Variants in DONSON observed in about 807,000 individuals in gnomAD.
The protein encoded by DONSON is DNA replication fork stabilization factor DONSON.
In DONSON, 43 loss-of-function variants were observed where a neutral mutation model predicts 62.1. The observed-to-expected ratio is 0.69, with a 90% confidence interval of 0.54 to 0.89. The LOEUF is 0.89. Among genes scored for constraint, DONSON ranks in the 40% least tolerant of loss-of-function variants. The pLI is 0.00. For missense variants in DONSON, 696 were observed against 697.5 expected, an observed-to-expected ratio of 1.00 and a Z score of 0.03; for synonymous variants, 266 against 264.6, an observed-to-expected ratio of 1.01 and a Z score of -0.05.
chr21:33,587,461 A>T, intron 2 of DONSON, 61 bp downstream of exon 2: 1 of 1,501,322 alleles, frequency 6.7e-7, no homozygotes, highest in Non-Finnish European at 8.9e-7. Context: ...AAATAGGCTC[A>T]AATCCTATGA....
chr21:33,587,801 C>A (rs2086595663), intron 1 of DONSON, among the ~76,000 whole-genome samples, 199 bp from the exon 2 acceptor site: 1 of 152,182 alleles, frequency 6.6e-6, no homozygotes, highest in Non-Finnish European at 1.5e-5. Context: ...GGAACAGGGA[C>A]CGGCGTTTCA....
chr21:33,581,942 A>G lies in DONSON; in HGVS notation c.1151+9T>C. The G allele has an allele frequency of 6.2e-7, 1 of 1,612,062 alleles. No individual in the cohort carries two copies. Among genetic ancestry groups the G allele is most frequent in the Non-Finnish European group, 8.5e-7 (1 of 1,178,242 alleles). Reference sequence around the variant, plus strand: ...AATTAATTCTAGTTAACAACAACTGAAAGGATACAGCTTGATAGAAAGTAT... The same window carrying G: ...AATTAATTCTAGTTAACAACAACTGGAAGGATACAGCTTGATAGAAAGTAT... On this transcript the variant is annotated intron_variant, in intron 7 of 9. Coordinates refer to ENST00000303071, the MANE Select transcript of DONSON (RefSeq NM_017613.4).
In DONSON at chr21:33,588,355, C is replaced by T; in HGVS notation, c.287G>A (p.Gly96Glu). ...RPRVAAEPPD[G>E]PAREQPEAPV... is the part of the protein sequence containing the mutation. ...GGCCTCCGGCTGCTCGCGGGCCGGC[C>T]CGTCGGGGGGCTCCGCGGCGACCCG... is the stretch of plus-strand genomic sequence containing the variant. The change falls in exon 1 of 10, where the codon GGG becomes GAG. Residue 96 changes from glycine (G) to glutamate (E), a missense_variant. Transcript: ENST00000303071. 7.7e-7 allele frequency: 1 copy of T among 1,293,076 alleles called. No homozygotes were observed. Among genetic ancestry groups the T allele is most frequent in the Non-Finnish European group, 9.8e-7 (1 of 1,024,788 alleles). The allele number at this position is 1,293,076 out of a possible 1,614,324, so 80.1% of individuals were successfully genotyped here.
intron 9 of DONSON, among the ~76,000 whole-genome samples, chr21:33,579,136 C>CA (rs879477732): frequency 2.7e-3 from 353 of 132,376 alleles, no homozygotes; most frequent in East Asian, 7.3e-3. Context: ...GACTCCATCT[C>CA]AAAAAAAAAA....
At chr21:33,578,839 A>G (rs1194803450) in intron 9 of DONSON, among the ~76,000 whole-genome samples, 1 of 152,232 alleles carries the variant, frequency 6.6e-6, no homozygotes, top group African/African-American at 2.4e-5. Context: ...GTCACTGTTA[A>G]AACTATTTGG....
Position 33,588,345 on chromosome 21 carries a change from GC to G in DONSON, c.296del (p.Arg99ProfsTer11). 7.7e-7 allele frequency: 1 copy of G among 1,294,202 alleles called. No individual in the cohort carries two copies. Among genetic ancestry groups the G allele is most frequent in the Non-Finnish European group, 9.8e-7 (1 of 1,025,424 alleles). The allele number at this position is 1,294,202 out of a possible 1,614,324, so 80.2% of individuals were successfully genotyped here. Reference sequence around the variant, plus strand: ...CCGGGACCGGGGCCTCCGGCTGCTCGCGGGCCGGCCCGTCGGGGGGCTCCGC... The same window carrying G: ...CCGGGACCGGGGCCTCCGGCTGCTCGGGGCCGGCCCGTCGGGGGGCTCCGC... ...VAAEPPDGPA[R>X]EQPEAPVPFL... On this transcript the variant is annotated frameshift_variant, in exon 1 of 10. Transcript: ENST00000303071. LOFTEE classifies it high-confidence loss of function.
At chr21:33,583,010 G>A (rs2086531226) in intron 5 of DONSON, among the ~76,000 whole-genome samples, 1 of 151,742 alleles carries the variant, frequency 6.6e-6, no homozygotes, top group Admixed American at 6.6e-5. Context: ...GATCGTCCTG[G>A]CTAACACGGT....
intron 2 of DONSON, among the ~76,000 whole-genome samples, chr21:33,587,108 T>C (rs761121225): frequency 5.3e-5 from 8 of 152,072 alleles, no homozygotes; most frequent in Non-Finnish European, 8.8e-5. Flanking sequence ...ATGGTAGTAG[T>C]TGGGGAATGG....
In DONSON at chr21:33,579,414, A is replaced by T; in HGVS notation, c.1499T>A (p.Leu500Gln). Residue 500 changes from leucine to glutamine, a missense_variant, in exon 9 of 10, where the codon CTG (leucine) becomes CAG (glutamine). By Grantham distance (113) the Leu-to-Gln change is moderately radical (BLOSUM62 -2). Transcript: ENST00000303071. ...SSQSGSFSAV[L>Q]YPHEPTAVFN... ...TACAGCAGTTGGCTCGTGTGGATACAGTACTGCAGAGAAAGATCCACTCTG... is the reference window on the plus strand; with the variant it reads ...TACAGCAGTTGGCTCGTGTGGATACTGTACTGCAGAGAAAGATCCACTCTG... The T allele has an allele frequency of 6.2e-6, 10 of 1,613,890 alleles. No homozygotes were observed. Among genetic ancestry groups the T allele is most frequent in the Non-Finnish European group, 8.5e-6 (10 of 1,179,860 alleles).
At position 33,582,199 on chromosome 21, in the gene DONSON, CCTT is replaced by C. The variant is rs755688201; in HGVS notation, c.1009_1011del (p.Lys337del). The stretch of plus-strand genomic sequence containing the variant: ...CCCAAGCTTGTTCCAGATGCTGTCT[CCTT>C]CTTATGGCCACTTTCTTTTATTAAA... On this transcript the variant is annotated inframe_deletion, in exon 6 of 10. Coordinates refer to ENST00000303071, the MANE Select transcript of DONSON (RefSeq NM_017613.4). 7.4e-6 allele frequency: 12 copies of C among 1,613,910 alleles called. No individual in the cohort carries two copies. The South Asian group carries it at 8.8e-5, about 12-fold the overall frequency.
chr21:33,586,326 T>TA (rs2086577373), intron 2 of DONSON, 145 bp from the exon 3 acceptor site: 2 of 723,344 alleles, frequency 2.8e-6, no homozygotes, highest in Non-Finnish European at 2.3e-6. Flanking sequence ...TTACACACTG[T>TA]AAAAAAGTCT....
chr21:33,583,750 G>T, intron 4 of DONSON, 84 bp from the exon 5 acceptor site: 2 of 1,075,874 alleles, frequency 1.9e-6, no homozygotes, highest in Non-Finnish European at 2.6e-6. Flanking sequence ...TTTGATACCT[G>T]GTTTAAAACA....
Position 33,578,381 on chromosome 21 carries a change from G to A in DONSON, c.1627C>T (p.Gln543Ter), listed in dbSNP as rs2086460139. Reference protein sequence around the residue: ...LHPNTLEQLSQIPLLGKSSLR... With the variant: ...LHPNTLEQLS ...GATGATTTCCCAAGTAACGGTATTTGACTAAGTTGCTCCAGAGTGTTAGGG... is the reference window on the plus strand; with the variant it reads ...GATGATTTCCCAAGTAACGGTATTTAACTAAGTTGCTCCAGAGTGTTAGGG... The change falls in exon 10 of 10, where the codon CAA becomes TAA. Residue 543 changes from glutamine (Q) to a stop codon, truncating the protein, a stop_gained. Transcript: ENST00000303071. LOFTEE classifies it high-confidence loss of function. The A allele has an allele frequency of 1.2e-6, 2 of 1,613,870 alleles. No homozygotes were observed. The highest frequency in any genetic ancestry group is 1.3e-5 in the African/African-American group (1 of 74,902).
intron 8 of DONSON, 117 bp from the exon 9 acceptor site, chr21:33,579,679 TA>T (rs2086483461): frequency 1.3e-6 from 1 of 765,116 alleles, no homozygotes; most frequent in Non-Finnish European, 2.1e-6. Flanking sequence ...AATTATGGAA[TA>T]AAACTATTTC....
intron 8 of DONSON, 69 bp downstream of exon 8, chr21:33,581,233 T>C: frequency 7.0e-7 from 1 of 1,422,600 alleles, no homozygotes; most frequent in Non-Finnish European, 9.5e-7. Context: ...AGGTTTTTTT[T>C]TAAATCAAGA....
chr21:33,579,113 C>G (rs527364498), intron 9 of DONSON, among the ~76,000 whole-genome samples: 4 of 150,470 alleles, frequency 2.7e-5, no homozygotes, highest in African/African-American at 9.8e-5. Context: ...CACTCCAGCC[C>G]GGGCAACAGC....
rs199989677 is a variant in DONSON at position 33,582,212 on chromosome 21, A to T, written c.999T>A (p.Ser333Arg). The T allele has an allele frequency of 1.2e-6, 2 of 1,614,000 alleles. No homozygotes were observed. The highest frequency in any genetic ancestry group is 2.7e-5 in the African/African-American group (2 of 75,050). The part of the protein sequence containing the change: ...IEFSLPLIKE[S>R]GHKKETASGT... ...CAGATGCTGTCTCCTTCTTATGGCC[A>T]CTTTCTTTTATTAAAGGCAGAGAAA... Residue 333 changes from serine (S) to arginine (R), a missense_variant, in exon 6 of 10, where the codon AGT becomes AGA. Physicochemically the swap from Ser to Arg is moderately radical, Grantham distance 110 (BLOSUM62 -1). Transcript: ENST00000303071.
In DONSON at chr21:33,581,967, T is replaced by G; in HGVS notation, c.1135A>C (p.Ile379Leu). 1 of 1,614,116 alleles carries G rather than the reference T, an allele frequency of 6.2e-7. No individual in the cohort carries two copies. The highest frequency in any genetic ancestry group is 1.1e-5 in the South Asian group (1 of 91,082). The stretch of plus-strand genomic sequence containing the variant: ...AAAGGATACAGCTTGATAGAAAGTA[T>G]GTCTGGCTTTTTAATTTTATCTTGC... ...GVQDKIKKPD[I>L]LSIKLRKEKH... The change falls in exon 7 of 10, where the codon ATA (isoleucine) becomes CTA (leucine). Residue 379 changes from isoleucine to leucine, a missense_variant. Physicochemically the swap from Ile to Leu is conservative, Grantham distance 5 (BLOSUM62 2). Transcript: ENST00000303071.
intron 2 of DONSON, 46 bp from the exon 3 acceptor site, chr21:33,586,227 A>T (rs1455387173): frequency 1.3e-6 from 2 of 1,498,010 alleles, no homozygotes; most frequent in Non-Finnish European, 1.9e-6. Context: ...ATCAAGAAAA[A>T]ACCTTCAACC....
Sources: gnomAD v4.1 joint callset for allele counts (sites outside exome capture counted in the v4.1 genomes callset) on GRCh38, gnomAD v4.1.1 for gene constraint, MANE v1.5 for transcripts, NCBI Gene and HGNC (gene_info 2026-07-23, HGNC 2026-07-21) for gene names.